Variants in CDK12 observed in about 807,000 individuals in gnomAD.
The protein encoded by CDK12 is cyclin dependent kinase 12.
Under a neutral mutation model 133.8 loss-of-function variants are expected in CDK12, and 17 were observed. That is an observed-to-expected ratio of 0.13 (90% CI 0.09 to 0.19). CDK12 has a LOEUF of 0.19. Ranked by LOEUF, CDK12 falls within the 10% of genes least tolerant of loss-of-function variation. The pLI, the probability that CDK12 is intolerant of heterozygous loss-of-function variation, is 1.00. For synonymous variants in CDK12, 694 were observed against 683.6 expected (o/e 1.02, Z -0.24); for missense variants, 1,508 against 1,818.7 (o/e 0.83, Z 3.11).
chr17:39,491,055 G>A (rs2145832040), intron 3 of CDK12, among the ~76,000 whole-genome samples: 1 of 152,146 alleles, frequency 6.6e-6, no homozygotes, highest in African/African-American at 2.4e-5. Flanking sequence ...AATTCAGGAT[G>A]TGTCAATCGT....
In CDK12 at chr17:39,515,852, A is replaced by G. The variant is rs8072744; in HGVS notation, c.2846+44A>G. The G allele has an allele frequency of 7.6e-4, 931 of 1,230,552 alleles. 4 individuals carry two copies. In the African/African-American group the frequency reaches 0.012, roughly 16 times the overall value. The allele number at this position is 1,230,552 out of a possible 1,614,324, so 76.2% of individuals were successfully genotyped here. On this transcript the variant is annotated intron_variant, in intron 9 of 13. Coordinates refer to ENST00000447079, the MANE Select transcript of CDK12 (RefSeq NM_016507.4). ...TCTTGAGTGCCCAGGTGTGATAGGT[A>G]TTCTCATCCTCCAGTTTCTAACACT...
intron 2 of CDK12, among the ~76,000 whole-genome samples, chr17:39,478,954 T>G (rs1363832492): frequency 2.6e-5 from 4 of 152,146 alleles, no homozygotes; most frequent in African/African-American, 9.7e-5. Flanking sequence ...TCCATATCCA[T>G]GTACCAGCTG....
Position 39,532,550 on chromosome 17 carries a change from G to C in CDK12, c.*1234G>C. 4.3e-6 allele frequency: 1 copy of C among 231,876 alleles called. No homozygotes were observed. Among genetic ancestry groups the C allele is most frequent in the Non-Finnish European group, 8.5e-6 (1 of 117,280 alleles). 14.4% of individuals were successfully genotyped at this position (231,876 alleles called of 1,614,324 possible). ...TGAAGATACATGGAAATGTAACCTAGTTTAGGGTGGGTATTTTTCTGAAGA... is the reference window on the plus strand; with the variant it reads ...TGAAGATACATGGAAATGTAACCTACTTTAGGGTGGGTATTTTTCTGAAGA... On this transcript the variant is annotated 3_prime_UTR_variant, in exon 14 of 14. Coordinates refer to ENST00000447079, the MANE Select transcript of CDK12 (RefSeq NM_016507.4).
At chr17:39,514,251 T>C (rs151221723) in intron 8 of CDK12, among the ~76,000 whole-genome samples, 115 of 152,284 alleles carry the variant, frequency 7.6e-4, no homozygotes, top group Middle Eastern at 6.8e-3. Context: ...ATATAGGAAG[T>C]AAGAATTTGT....
chr17:39,481,952 C>A (rs543629801), intron 2 of CDK12, among the ~76,000 whole-genome samples: 2 of 151,226 alleles, frequency 1.3e-5, no homozygotes, highest in Non-Finnish European at 2.9e-5. Flanking sequence ...AAACTCCTGA[C>A]CTTGTGATCT....
rs774921821 is a variant in CDK12, at chr17:39,471,294, G to A, written c.1462G>A (p.Glu488Lys). Reference sequence around the variant, plus strand: ...GAAAGTAAAGTTGGATGAGAACTCCGAGAAGCATCTTGTTAAAGATTTGAA... The same window carrying A: ...GAAAGTAAAGTTGGATGAGAACTCCAAGAAGCATCTTGTTAAAGATTTGAA... ...TGKVKLDENS[E>K]KHLVKDLKAQ... Residue 488 changes from glutamate (E) to lysine (K), a missense_variant, in exon 2 of 14, where the codon GAG becomes AAG. Coordinates refer to ENST00000447079, the MANE Select transcript of CDK12 (RefSeq NM_016507.4). 1.9e-5 allele frequency: 31 copies of A among 1,613,522 alleles called. No homozygotes were observed. The Admixed American group carries it at 3.5e-4, about 18-fold the overall frequency.
chr17:39,462,879 T>A lies in CDK12; in HGVS notation c.808T>A (p.Ser270Thr), dbSNP rs1440836792. Residue 270 changes from serine to threonine, a missense_variant, in exon 1 of 14, where the codon TCG (serine) becomes ACG (threonine). Physicochemically the swap from Ser to Thr is moderately conservative, Grantham distance 58. Coordinates refer to ENST00000447079, the MANE Select transcript of CDK12 (RefSeq NM_016507.4). ...CTACAAGAAAAGTCCTGGAAGTACCTCGAGAAGGCAGTCGGTCAGTCCCCC... is the reference window on the plus strand; with the variant it reads ...CTACAAGAAAAGTCCTGGAAGTACCACGAGAAGGCAGTCGGTCAGTCCCCC... ...DSYKKSPGST[S>T]RRQSVSPPYK... 6.2e-7 allele frequency: 1 copy of A among 1,613,946 alleles called. No individual in the cohort carries two copies. The highest frequency in any genetic ancestry group is 8.5e-7 in the Non-Finnish European group (1 of 1,180,010).
intron 1 of CDK12, among the ~76,000 whole-genome samples, chr17:39,466,301 G>A (rs1296975491): frequency 2.1e-5 from 3 of 141,186 alleles, no homozygotes; most frequent in African/African-American, 8.2e-5. Flanking sequence ...GAATGAGACT[G>A]CGTCTCAAAA....
At position 39,532,118 on chromosome 17, in the gene CDK12, CT is replaced by C. The variant is rs2054895876; in HGVS notation, c.*803del. On this transcript the variant is annotated 3_prime_UTR_variant, in exon 14 of 14. Coordinates refer to ENST00000447079, the MANE Select transcript of CDK12 (RefSeq NM_016507.4). ...TCTCTCTCTTTCTCTCTCTCTCTCTCTCTCTCTCTCTCTCTCTCTCTCTCTG... is the reference window on the plus strand; with the variant it reads ...TCTCTCTCTTTCTCTCTCTCTCTCTCCTCTCTCTCTCTCTCTCTCTCTCTG... 9.3e-6 allele frequency: 2 copies of C among 216,136 alleles called. No homozygotes were observed. Among genetic ancestry groups the C allele is most frequent in the East Asian group, 1.2e-4 (2 of 16,502 alleles). 13.4% of individuals were successfully genotyped at this position (216,136 alleles called of 1,614,324 possible). A position where few individuals can be genotyped will look rare whatever the true frequency, so the allele number is the denominator to read the frequency against.
chr17:39,563,719 T>C (rs1034326668), intron 3 of CDK12, among the ~76,000 whole-genome samples: 5 of 151,532 alleles, frequency 3.3e-5, no homozygotes, highest in African/African-American at 1.2e-4. Flanking sequence ...TTAAGAGAAA[T>C]CGCGAGCAGG....
intron 6 of CDK12, among the ~76,000 whole-genome samples, chr17:39,506,961 A>G (rs1037358152): frequency 6.6e-6 from 1 of 152,000 alleles, no homozygotes; most frequent in Non-Finnish European, 1.5e-5. Context: ...CAGTGGCACA[A>G]TCTCAGCTCA....
intron 5 of CDK12, among the ~76,000 whole-genome samples, chr17:39,497,492 G>A (rs182660034): frequency 7.9e-5 from 12 of 151,250 alleles, no homozygotes; most frequent in East Asian, 1.9e-4. Context: ...GCAGTGAGCC[G>A]AGATTGAGTT....
chr17:39,557,823 A>G (rs1484967591), intron 3 of CDK12, among the ~76,000 whole-genome samples: 3 of 152,148 alleles, frequency 2.0e-5, no homozygotes, highest in Non-Finnish European at 4.4e-5. Flanking sequence ...TTAGATCACA[A>G]GTTTTGGAGA....
chr17:39,477,836 G>A (rs188551969), intron 2 of CDK12, among the ~76,000 whole-genome samples: 86 of 152,152 alleles, frequency 5.7e-4, no homozygotes, highest in African/African-American at 2.0e-3. Context: ...GCCTCCCAAA[G>A]TGCTGGGATT....
intron 1 of CDK12, among the ~76,000 whole-genome samples, chr17:39,463,342 G>C (rs2049079958): frequency 6.6e-6 from 1 of 152,156 alleles, no homozygotes; most frequent in South Asian, 2.1e-4. Context: ...TTCCAGTGGT[G>C]GGGTCTTCAG....
chr17:39,546,389 T>A (rs979866041), upstream of CDK12: 7 of 151,504 alleles, frequency 4.6e-5, no homozygotes, highest in Admixed American at 4.0e-4. Context: ...TTTCACCATG[T>A]TAGCCAGGAT....
chr17:39,495,275 G>A (rs1567729765), intron 5 of CDK12, among the ~76,000 whole-genome samples: 2 of 148,808 alleles, frequency 1.3e-5, no homozygotes, highest in African/African-American at 2.5e-5. Context: ...AGGAGGTTTC[G>A]CTATGTTCGT....
At chr17:39,501,544 T>G in intron 6 of CDK12, 105 bp downstream of exon 6, 2 of 695,474 alleles carry the variant, frequency 2.9e-6, no homozygotes, top group Non-Finnish European at 4.8e-6. Context: ...AGTGCAGTAT[T>G]CACACACTAT....
At chr17:39,529,087 G>T (rs2054665764) in intron 13 of CDK12, among the ~76,000 whole-genome samples, 4 of 152,078 alleles carry the variant, frequency 2.6e-5, no homozygotes, top group Admixed American at 2.6e-4. Flanking sequence ...AATAACTTGG[G>T]TGGGTACTAT....
Sources: allele counts gnomAD v4.1 joint callset (sites outside exome capture counted in the v4.1 genomes callset), GRCh38; gene constraint gnomAD v4.1.1; transcripts MANE v1.5; gene names NCBI Gene and HGNC (gene_info 2026-07-23, HGNC 2026-07-21).